INCENP: variants seen among roughly 807,000 people sequenced by gnomAD.
The protein encoded by INCENP is inner centromere protein, also known as binds and activates aurora-B and -C in vivo and in vitro.
In INCENP, 43 loss-of-function variants were observed where a neutral mutation model predicts 107.3. The ratio of observed to expected loss-of-function variants is 0.40; its 90% confidence interval spans 0.31 to 0.52. The LOEUF is 0.52. INCENP is among the 20% of genes least tolerant of loss of function. The pLI is 0.53. For synonymous variants in INCENP, 488 were observed against 494.4 expected (o/e 0.99, Z 0.17); for missense variants, 1,089 against 1,250.9 (o/e 0.87, Z 1.95).
At chr11:62,137,936 G>A (rs1944027272) in intron 5 of INCENP, 53 bp downstream of exon 5, 1 of 1,488,238 alleles carries the variant, frequency 6.7e-7, no homozygotes, top group Non-Finnish European at 9.4e-7. Flanking sequence ...AGGACAGGGA[G>A]CCAAGGTGAG....
At chr11:62,142,229 G>A (rs1420993658) in intron 11 of INCENP, among the ~76,000 whole-genome samples, 1 of 152,238 alleles carries the variant, frequency 6.6e-6, no homozygotes, top group Non-Finnish European at 1.5e-5. Context: ...GCCACACAGG[G>A]ACACCTGTGA....
In INCENP at chr11:62,145,030, G is replaced by A. The variant is rs776667995; in HGVS notation, c.1654G>A (p.Glu552Lys). ...GAATCTGCGGCGGAAGGAGGAGGCC[G>A]AGCAGCTGCGCAGGCAGAAGGTGGA... ...LENLRRKEEA[E>K]QLRRQKVEED... Residue 552 changes from glutamate to lysine, a missense_variant, in exon 12 of 19, where the codon GAG becomes AAG. Coordinates refer to ENST00000394818, the MANE Select transcript of INCENP (RefSeq NM_001040694.2). The A allele has an allele frequency of 5.6e-6, 9 of 1,609,624 alleles. No homozygotes were observed. Among genetic ancestry groups the A allele is most frequent in the East Asian group, 2.2e-5 (1 of 44,866 alleles).
In INCENP at chr11:62,140,698, T is replaced by C. The variant is rs1369454355; in HGVS notation, c.1344-6T>C. 1 of 1,557,084 alleles carries C rather than the reference T, an allele frequency of 6.4e-7. No homozygotes were observed. The highest frequency in any genetic ancestry group is 8.7e-7 in the Non-Finnish European group (1 of 1,151,740). On this transcript the variant is annotated splice_polypyrimidine_tract_variant and splice_region_variant and intron_variant, in intron 8 of 18. Coordinates refer to ENST00000394818, the MANE Select transcript of INCENP (RefSeq NM_001040694.2). ...CCCTGTGATGCCGCCGCCCGCGCCT[T>C]GGCAGGAGGAAGCGCAGCTACAAGC...
At position 62,146,886 on chromosome 11, in the gene INCENP, C is replaced by A. The variant is rs779421516; in HGVS notation, c.2188C>A (p.Arg730=). 6.3e-7 allele frequency: 1 copy of A among 1,599,254 alleles called. No individual in the cohort carries two copies. The highest frequency in any genetic ancestry group is 8.5e-7 in the Non-Finnish European group (1 of 1,177,240). The stretch of plus-strand genomic sequence containing the variant: ...GCAGGAGCGTCGGCGGGAGCAGGAG[C>A]GGCTCCAGGCCGAGAGGTGAGGGAC... ...AEQERRREQE[R]LQAERELQER... Residue 730 remains arginine, a synonymous_variant, in exon 15 of 19, where the codon CGG becomes AGG. Transcript: ENST00000394818.
intron 11 of INCENP, 45 bp from the exon 12 acceptor site, chr11:62,144,936 GT>G (rs1944205149): frequency 6.5e-7 from 1 of 1,532,592 alleles, no homozygotes; most frequent in African/African-American, 1.4e-5. Context: ...TGGGTGGGGG[GT>G]CGTCCTTGCT....
Position 62,151,853 on chromosome 11 carries a change from G to A in INCENP, c.2634G>A (p.Glu878=). 1 of 1,614,202 alleles carries A rather than the reference G, an allele frequency of 6.2e-7. No homozygotes were observed. The highest frequency in any genetic ancestry group is 1.1e-5 in the South Asian group (1 of 91,090). Residue 878 remains glutamate (E), a synonymous_variant, in exon 19 of 19, where the codon GAG becomes GAA. Coordinates refer to ENST00000394818, the MANE Select transcript of INCENP (RefSeq NM_001040694.2). ...LFGTILPLDL[E]DIFKKSKPRY... is the part of the protein sequence containing the mutation. The stretch of plus-strand genomic sequence containing the variant: ...GAACCATTCTCCCACTGGACTTGGA[G>A]GATATCTTCAAGAAGAGCAAGCCCC...
At position 62,133,660 on chromosome 11, in the gene INCENP, G is replaced by A. The variant is rs187538191; in HGVS notation, c.1063+3070G>A. On this transcript the variant is annotated intron_variant, in intron 4 of 18. Coordinates refer to ENST00000394818, the MANE Select transcript of INCENP (RefSeq NM_001040694.2). ...CCAGAGAATGCTTGTGCTGGTGGGA[G>A]AGCCATGTAGTCACATGGGCGTCTT... Among the ~76,000 whole-genome samples, 321 of 152,308 alleles carry A rather than the reference G, an allele frequency of 2.1e-3. 2 individuals carry two copies. Among genetic ancestry groups the A allele is most frequent in the African/African-American group, 7.5e-3 (313 of 41,562 alleles).
chr11:62,140,878 G>A (rs776992565), intron 9 of INCENP, 35 bp from the exon 10 acceptor site: 34 of 1,613,620 alleles, frequency 2.1e-5, no homozygotes, highest in Admixed American at 1.5e-4. Context: ...ACCCTGCCCC[G>A]CCTGCCCACT....
chr11:62,132,463 G>T (rs1396679883), intron 4 of INCENP, among the ~76,000 whole-genome samples: 19 of 152,236 alleles, frequency 1.2e-4, no homozygotes, highest in Admixed American at 1.2e-3. Context: ...ACTCTGGGGC[G>T]TGTGCAGATG....
In INCENP at chr11:62,146,697, A is replaced by G. The variant is rs1944249938; in HGVS notation, c.1999A>G (p.Lys667Glu). ...ERRHQELLQK[K>E]KEEEQERLRK... is the part of the protein sequence containing the mutation. ...GCGGCACCAAGAGCTGCTGCAGAAG[A>G]AGAAGGAAGAGGAGCAGGAGCGGCT... Residue 667 changes from lysine to glutamate, a missense_variant, in exon 15 of 19, where the codon AAG becomes GAG. By Grantham distance (56) the Lys-to-Glu change is moderately conservative. Transcript: ENST00000394818. 1.3e-6 allele frequency: 2 copies of G among 1,549,952 alleles called. No homozygotes were observed.
At chr11:62,141,469 A>G in intron 10 of INCENP, 31 bp from the exon 11 acceptor site, 2 of 1,613,112 alleles carry the variant, frequency 1.2e-6, no homozygotes, top group Non-Finnish European at 1.7e-6. Context: ...CCTGGCATTA[A>G]CTCTTGCCTT....
Position 62,151,937 on chromosome 11 carries a change from G to C in INCENP, c.2718G>C (p.Arg906Ser), listed in dbSNP as rs200560937. The C allele has an allele frequency of 3.7e-6, 6 of 1,612,646 alleles. No individual in the cohort carries two copies. In the Admixed American group the frequency reaches 5.0e-5, roughly 13 times the overall value. ...VWNSPPLQGA[R>S]VPSSLAYSLK... ...ACTCACCGCCCCTGCAGGGCGCCAG[G>C]GTCCCCAGCAGCCTGGCCTACAGCC... Residue 906 changes from arginine to serine, a missense_variant, in exon 19 of 19, where the codon AGG becomes AGC. Physicochemically the swap from Arg to Ser is moderately radical, Grantham distance 110. Coordinates refer to ENST00000394818, the MANE Select transcript of INCENP (RefSeq NM_001040694.2).
intron 1 of INCENP, among the ~76,000 whole-genome samples, chr11:62,124,777 A>G (rs1006209922): frequency 4.6e-5 from 7 of 152,218 alleles, no homozygotes; most frequent in Non-Finnish European, 5.9e-5. Flanking sequence ...CCCGTGGTTA[A>G]GGGCACGGTT....
intron 4 of INCENP, among the ~76,000 whole-genome samples, chr11:62,131,782 C>CTT (rs1163806068): frequency 6.9e-6 from 1 of 145,266 alleles, no homozygotes; most frequent in Admixed American, 6.9e-5. Flanking sequence ...CAGGATTTAT[C>CTT]TTTTTTTTTT....
intron 2 of INCENP, 150 bp downstream of exon 2, chr11:62,128,451 T>C (rs1028980819): frequency 9.6e-6 from 8 of 831,798 alleles, no homozygotes; most frequent in African/African-American, 1.7e-5. Flanking sequence ...TGCAGTGTGC[T>C]GGGGGCCTGA....
chr11:62,140,134 G>T, intron 7 of INCENP, 100 bp from the exon 8 acceptor site: 1 of 1,018,402 alleles, frequency 9.8e-7, no homozygotes, highest in Admixed American at 1.8e-5. Flanking sequence ...CTTGCCCACT[G>T]CCAAGGCTGC....
Position 62,136,419 on chromosome 11 carries a change from C to T in INCENP, c.1064-1413C>T, listed in dbSNP as rs993913799. On this transcript the variant is annotated intron_variant, in intron 4 of 18. Transcript: ENST00000394818. ...GGACTTTTGCAGGCGCAGTGGCTCA[C>T]GCCTGTAATCCCAGCACTTTGGGAG... Among the ~76,000 whole-genome samples, 7 of 152,146 alleles carry T rather than the reference C, an allele frequency of 4.6e-5. No homozygotes were observed. In the South Asian group the frequency reaches 1.0e-3, roughly 23 times the overall value.
chr11:62,140,918 A>C lies in INCENP; in HGVS notation c.1467A>C (p.Val489=). 2 of 1,614,152 alleles carry C rather than the reference A, an allele frequency of 1.2e-6. No individual in the cohort carries two copies. Among genetic ancestry groups the C allele is most frequent in the South Asian group, 2.2e-5 (2 of 91,090 alleles). ...ACCCTGGTCCTCGTCTGCAGGTGGT[A>C]CGGCCCCTCCGGACCTTTCTGCACA... ...PSSPCPASKV[V]RPLRTFLHTV... Residue 489 remains valine, a synonymous_variant, in exon 10 of 19, where the codon GTA becomes GTC. Coordinates refer to ENST00000394818, the MANE Select transcript of INCENP (RefSeq NM_001040694.2).
chr11:62,151,501 G>A (rs1269887326), intron 18 of INCENP, among the ~76,000 whole-genome samples: 2 of 152,238 alleles, frequency 1.3e-5, no homozygotes, highest in Admixed American at 6.5e-5. Context: ...CCAGGTGGTG[G>A]TCGGGACAGG....
Sources: allele counts gnomAD v4.1 joint callset (sites outside exome capture counted in the v4.1 genomes callset), GRCh38; gene constraint gnomAD v4.1.1; transcripts MANE v1.5; gene names NCBI Gene and HGNC (gene_info 2026-07-23, HGNC 2026-07-21).